Variants in NEK6 observed in about 807,000 individuals in gnomAD.
NEK6 encodes the protein NIMA related kinase 6.
Under a neutral mutation model 43.5 loss-of-function variants are expected in NEK6, and 27 were observed. The observed-to-expected ratio is 0.62, with a 90% CI of 0.46 to 0.86. NEK6 has a LOEUF of 0.86. Among genes scored for constraint, NEK6 ranks in the 40% least tolerant of loss-of-function variants. The pLI is 0.00. For missense variants in NEK6, 318 were observed against 414.4 expected (o/e 0.77, Z 2.02); for synonymous variants, 167 against 164.1 (o/e 1.02, Z -0.14).
At chr9:124,323,014 G>A (rs770215955) in intron 5 of NEK6, among the ~76,000 whole-genome samples, 25 of 149,058 alleles carry the variant, frequency 1.7e-4, no homozygotes, top group Non-Finnish European at 3.4e-4. Context: ...CCCCGCCCCC[G>A]CTTTACTTGT....
chr9:124,299,824 T>C (rs1832864818), intron 1 of NEK6, among the ~76,000 whole-genome samples: 1 of 152,016 alleles, frequency 6.6e-6, no homozygotes, highest in Non-Finnish European at 1.5e-5. Flanking sequence ...TGGCCAAGTC[T>C]GTGGGTCAAA....
In NEK6 at chr9:124,353,306, A is replaced by G; in HGVS notation, c.*2359A>G. The G allele has an allele frequency of 2.4e-6, 1 of 414,098 alleles. No homozygotes were observed. Among genetic ancestry groups the G allele is most frequent in the Non-Finnish European group, 4.3e-6 (1 of 230,718 alleles). The allele number at this position is 414,098 out of a possible 1,614,324, so 25.7% of individuals were successfully genotyped here. ...AAGGGAGTCCACTCTGACTTCTGAC[A>G]GCAGACAGAACCTATCTGTCCTCAG... On this transcript the variant is annotated 3_prime_UTR_variant, in exon 10 of 10. Coordinates refer to ENST00000320246, the MANE Select transcript of NEK6 (RefSeq NM_014397.6).
chr9:124,338,764 C>T (rs1305408358), intron 7 of NEK6, among the ~76,000 whole-genome samples: 1 of 152,186 alleles, frequency 6.6e-6, no homozygotes, highest in Non-Finnish European at 1.5e-5. Flanking sequence ...GCCTCAGTTT[C>T]TCCATCTGGA....
At chr9:124,312,304 G>T (rs1247003222) in intron 2 of NEK6, among the ~76,000 whole-genome samples, 13 of 152,194 alleles carry the variant, frequency 8.5e-5, no homozygotes. Context: ...TTTTTCACCT[G>T]CACTGGGGGT....
intron 1 of NEK6, among the ~76,000 whole-genome samples, chr9:124,271,836 A>G (rs1407839119): frequency 6.6e-6 from 1 of 152,220 alleles, no homozygotes; most frequent in East Asian, 1.9e-4. Flanking sequence ...CAGGGAGCAG[A>G]TCTCAGGGCC....
chr9:124,307,953 G>A lies in NEK6; in HGVS notation c.91-4556G>A, dbSNP rs1288126039. Among the ~76,000 whole-genome samples, 5 of 152,342 alleles carry A rather than the reference G, an allele frequency of 3.3e-5. No individual in the cohort carries two copies. In the East Asian group the frequency reaches 9.6e-4, roughly 29 times the overall value. ...TCAGGCCGTCCCAGTCCCCGGGGAA[G>A]CAGGTCCACCACTAGGCCCATTCGA... is the stretch of plus-strand genomic sequence containing the variant. On this transcript the variant is annotated intron_variant, in intron 2 of 9. Coordinates refer to ENST00000320246, the MANE Select transcript of NEK6 (RefSeq NM_014397.6).
chr9:124,325,245 G>C lies in NEK6; in HGVS notation c.406-1085G>C, dbSNP rs888089493. 1.9e-4 allele frequency among the ~76,000 whole-genome samples: 29 copies of C among 152,078 alleles called. 1 individual carries two copies. The highest frequency in any genetic ancestry group is 1.4e-3 in the Admixed American group (22 of 15,280). On this transcript the variant is annotated intron_variant, in intron 5 of 9. Transcript: ENST00000320246. ...AGGCCTGGGGCTGAGCTGTGTTTCT[G>C]CCTCTTTCTACGTGGCCCTCAGTTT...
chr9:124,320,935 AT>A (rs1027223670), intron 4 of NEK6, among the ~76,000 whole-genome samples: 4 of 152,348 alleles, frequency 2.6e-5, no homozygotes, highest in African/African-American at 9.6e-5. Context: ...CTACAAAAAA[AT>A]ATTTTAAAAA....
intron 8 of NEK6, among the ~76,000 whole-genome samples, chr9:124,346,633 A>C (rs1316493299): frequency 6.6e-6 from 1 of 152,090 alleles, no homozygotes; most frequent in Non-Finnish European, 1.5e-5. Flanking sequence ...GAGTGACGAG[A>C]AGCTCTTTCC....
intron 4 of NEK6, among the ~76,000 whole-genome samples, chr9:124,320,092 C>T (rs554098877): frequency 1.1e-4 from 16 of 152,378 alleles, no homozygotes; most frequent in Admixed American, 1.0e-3. Flanking sequence ...GTGCCTGGTT[C>T]CTCGCAGTGG....
chr9:124,290,937 G>C (rs989302560), intron 1 of NEK6, among the ~76,000 whole-genome samples: 12 of 152,194 alleles, frequency 7.9e-5, no homozygotes, highest in African/African-American at 2.7e-4. Context: ...GTAAGAACAG[G>C]AACTGTGTCT....
chr9:124,314,006 G>C (rs757144733), intron 4 of NEK6, 21 bp downstream of exon 4: 2 of 1,612,790 alleles, frequency 1.2e-6, no homozygotes, highest in Admixed American at 3.3e-5. Context: ...TGGGCCGAGC[G>C]GGAGCTTTGC....
At chr9:124,311,537 C>T (rs1477337485) in intron 2 of NEK6, among the ~76,000 whole-genome samples, 1 of 152,204 alleles carries the variant, frequency 6.6e-6, no homozygotes, top group Non-Finnish European at 1.5e-5. Context: ...CTCCTGGCCA[C>T]TGTGGTCTCA....
intron 7 of NEK6, among the ~76,000 whole-genome samples, chr9:124,336,263 A>G (rs1288808346): frequency 6.6e-6 from 1 of 151,814 alleles, no homozygotes; most frequent in Non-Finnish European, 1.5e-5. Context: ...GAAGAAAGAA[A>G]AAACAAGAAT....
chr9:124,329,039 C>T (rs1170156648), intron 7 of NEK6, among the ~76,000 whole-genome samples: 1 of 152,238 alleles, frequency 6.6e-6, no homozygotes, highest in Non-Finnish European at 1.5e-5. Flanking sequence ...GGCAGCAGGC[C>T]TCTCCTTCAG....
chr9:124,348,866 A>G (rs61468937), intron 9 of NEK6, among the ~76,000 whole-genome samples: 2,186 of 152,336 alleles, frequency 0.014, 53 homozygotes, highest in African/African-American at 0.049. Context: ...CCATTTACCA[A>G]TAAGGAACAG....
At chr9:124,310,375 C>A (rs186717719) in intron 2 of NEK6, among the ~76,000 whole-genome samples, 5 of 152,206 alleles carry the variant, frequency 3.3e-5, no homozygotes, top group African/African-American at 9.7e-5. Flanking sequence ...TGTATTTACC[C>A]GACAGACATT....
chr9:124,258,262 C>G, intron 1 of NEK6, 177 bp downstream of exon 1: 1 of 983,366 alleles, frequency 1.0e-6, no homozygotes, highest in Non-Finnish European at 1.2e-6. Flanking sequence ...AGCGTGTCGG[C>G]GGCCGGGCGG....
Position 124,352,859 on chromosome 9 carries a change from A to C in NEK6, c.*1912A>C, listed in dbSNP as rs1396927055. On this transcript the variant is annotated 3_prime_UTR_variant, in exon 10 of 10. Transcript: ENST00000320246. The stretch of plus-strand genomic sequence containing the variant: ...ACACTGCCAGCCCCAGCACGCAATC[A>C]ACCTACTTTGTGCATGCCACCCGCT... 6.6e-6 allele frequency: 1 copy of C among 152,280 alleles called. No individual in the cohort carries two copies. Among genetic ancestry groups the C allele is most frequent in the Non-Finnish European group, 1.5e-5 (1 of 68,102 alleles). 9.4% of individuals were successfully genotyped at this position (152,280 alleles called of 1,614,324 possible).
Sources: gnomAD v4.1 joint callset for allele counts (sites outside exome capture counted in the v4.1 genomes callset) on GRCh38, gnomAD v4.1.1 for gene constraint, MANE v1.5 for transcripts, NCBI Gene and HGNC (gene_info 2026-07-23, HGNC 2026-07-21) for gene names.